DOCK1: variants seen among roughly 807,000 people sequenced by gnomAD.
The protein encoded by DOCK1 is dedicator of cytokinesis 1.
DOCK1 carries 138 observed loss-of-function variants against 262.7 expected under a neutral mutation model. The ratio of observed to expected loss-of-function variants is 0.53; its 90% CI spans 0.46 to 0.61. The LOEUF (loss-of-function observed/expected upper bound fraction) is 0.61. Ranked by LOEUF, DOCK1 falls within the 20% of genes least tolerant of loss-of-function variation. The pLI is 0.00. For missense variants in DOCK1, 1,908 were observed against 2,370.7 expected (o/e 0.80, Z 4.05); for synonymous variants, 866 against 867.4 (o/e 1.00, Z 0.03).
At chr10:127,343,817 T>G (rs1185446284) in intron 31 of DOCK1, 71 bp downstream of exon 31, 1 of 1,255,772 alleles carries the variant, frequency 8.0e-7, no homozygotes, top group Non-Finnish European at 1.1e-6. Flanking sequence ...TTCATGTCAT[T>G]TCTAAGCCAA....
chr10:126,961,070 A>G (rs879157282), intron 1 of DOCK1, among the ~76,000 whole-genome samples: 29,711 of 152,040 alleles, frequency 0.2, 3,453 homozygotes, highest in East Asian at 0.55. Flanking sequence ...CCAAAAGCCA[A>G]AAAGAAATAT....
intron 47 of DOCK1, among the ~76,000 whole-genome samples, chr10:127,426,550 A>G (rs577922770): frequency 1.3e-5 from 2 of 152,194 alleles, no homozygotes; most frequent in Non-Finnish European, 2.9e-5. Context: ...GATCTAGACC[A>G]AGGAAGATAA....
intron 35 of DOCK1, among the ~76,000 whole-genome samples, chr10:127,378,879 A>T (rs1355198492): frequency 2.6e-5 from 4 of 152,258 alleles, no homozygotes; most frequent in Non-Finnish European, 5.9e-5. Context: ...TGTCAGAGGC[A>T]ACAGAACTTG....
intron 1 of DOCK1, among the ~76,000 whole-genome samples, chr10:126,941,625 G>C (rs1257847970): frequency 2.0e-5 from 3 of 152,016 alleles, no homozygotes; most frequent in African/African-American, 7.2e-5. Context: ...GCGTGGTGGC[G>C]GGTGCCTGTA....
At chr10:126,969,089 G>C (rs2037894595) in intron 1 of DOCK1, among the ~76,000 whole-genome samples, 2 of 152,160 alleles carry the variant, frequency 1.3e-5, no homozygotes, top group Non-Finnish European at 2.9e-5. Flanking sequence ...CAAAAGGAAG[G>C]CCTTCACCGT....
chr10:127,113,350 G>A (rs951973070), intron 25 of DOCK1, among the ~76,000 whole-genome samples: 2 of 152,280 alleles, frequency 1.3e-5, no homozygotes, highest in East Asian at 3.9e-4. Context: ...AGGCTCCTTC[G>A]TGGGGGCTCC....
intron 39 of DOCK1, among the ~76,000 whole-genome samples, chr10:127,403,525 T>G (rs552407674): frequency 6.6e-6 from 1 of 152,262 alleles, no homozygotes. Context: ...TTTGGGAGGC[T>G]AAGGCAGGCG....
chr10:127,037,726 T>C lies in DOCK1; in HGVS notation c.1920T>C (p.Leu640=). The C allele has an allele frequency of 4.4e-6, 7 of 1,588,758 alleles. No homozygotes were observed. In the South Asian group the frequency reaches 6.9e-5, roughly 16 times the overall value. ...CSTKLTQNVD[L]LGLLKWRSNT... ...GTCATTTTCTGTTTCCAGTGGACCT[T>C]CTGGGGCTCTTGAAATGGCGCTCCA... Residue 640 remains leucine (L), a synonymous_variant, in exon 19 of 52, where the codon CTT becomes CTC. Transcript: ENST00000623213.
chr10:126,974,874 C>T lies in DOCK1; in HGVS notation c.131-3074C>T, dbSNP rs144824160. Among the ~76,000 whole-genome samples the T allele has an allele frequency of 1.6e-3, 246 of 152,106 alleles. 1 individual carries two copies. Among genetic ancestry groups the T allele is most frequent in the Non-Finnish European group, 2.2e-3 (149 of 67,992 alleles). On this transcript the variant is annotated intron_variant, in intron 2 of 51. Transcript: ENST00000623213. ...TGAAGAAATAGTGCATGCCAAAAAT[C>T]GTGGGGAGGAAAACCATGGTTTTCA... is the stretch of plus-strand genomic sequence containing the variant.
At chr10:126,929,224 C>G (rs1166660837) in intron 1 of DOCK1, among the ~76,000 whole-genome samples, 3 of 152,162 alleles carry the variant, frequency 2.0e-5, no homozygotes, top group Non-Finnish European at 4.4e-5. Flanking sequence ...GGGGATGAAC[C>G]ATTTTCCCCA....
chr10:127,002,302 G>A (rs544449655), intron 10 of DOCK1, among the ~76,000 whole-genome samples: 20 of 152,342 alleles, frequency 1.3e-4, no homozygotes, highest in African/African-American at 4.6e-4. Context: ...TAGATTACAA[G>A]ATGGATTGTG....
intron 27 of DOCK1, among the ~76,000 whole-genome samples, chr10:127,183,650 A>G (rs2055949151): frequency 6.6e-6 from 1 of 152,178 alleles, no homozygotes; most frequent in South Asian, 2.1e-4. Context: ...TTCATGGCCT[A>G]GTCTGAAAAG....
At chr10:127,336,881 C>G (rs2063226329) in intron 29 of DOCK1, among the ~76,000 whole-genome samples, 2 of 152,160 alleles carry the variant, frequency 1.3e-5, no homozygotes, top group Non-Finnish European at 2.9e-5. Flanking sequence ...CTTTATTTAA[C>G]TAGCTGCAGT....
intron 23 of DOCK1, among the ~76,000 whole-genome samples, chr10:127,092,559 CT>C (rs960067644): frequency 6.7e-5 from 10 of 149,766 alleles, no homozygotes; most frequent in Admixed American, 1.3e-4. Context: ...TCTAGGCATT[CT>C]TTTTTTTTTG....
intron 27 of DOCK1, among the ~76,000 whole-genome samples, chr10:127,222,628 TTTGTGTTGTGTTGTGTTGTG>T (rs71032542): frequency 1.1e-3 from 162 of 145,648 alleles, no homozygotes; most frequent in African/African-American, 2.8e-3. Context: ...GTGTTTTTGT[TTTGTGTTGTGTTGTGTTGTG>T]TTGTGTTGTG....
chr10:127,378,435 C>T (rs1263252277), intron 35 of DOCK1, among the ~76,000 whole-genome samples: 8 of 152,014 alleles, frequency 5.3e-5, no homozygotes, highest in African/African-American at 7.2e-5. Context: ...CAAGGCTGCC[C>T]GCGGAGCCCA....
chr10:127,387,806 A>G (rs1238947166), intron 38 of DOCK1, among the ~76,000 whole-genome samples: 1 of 152,170 alleles, frequency 6.6e-6, no homozygotes, highest in Non-Finnish European at 1.5e-5. Flanking sequence ...AGAAATGCTC[A>G]TGTATGGCAG....
At chr10:127,011,070 T>G (rs2041400801) in intron 11 of DOCK1, among the ~76,000 whole-genome samples, 1 of 152,252 alleles carries the variant, frequency 6.6e-6, no homozygotes. Context: ...TGACGCCATC[T>G]TTTTCTATCT....
chr10:127,292,236 G>T (rs544677892), intron 29 of DOCK1, among the ~76,000 whole-genome samples: 27 of 151,974 alleles, frequency 1.8e-4, no homozygotes, highest in African/African-American at 6.0e-4. Context: ...GGGAGGGGGG[G>T]CCCACTTCTA....
Sources: allele counts gnomAD v4.1 joint callset (sites outside exome capture counted in the v4.1 genomes callset), GRCh38; gene constraint gnomAD v4.1.1; transcripts MANE v1.5; gene names NCBI Gene and HGNC (gene_info 2026-07-23, HGNC 2026-07-21).